The following GABBR2 variants were observed in gnomAD, a reference collection of about 807,000 sequenced individuals.
GABBR2 encodes the protein gamma-aminobutyric acid type B receptor subunit 2.
A neutral mutation model predicts 105.6 loss-of-function variants in GABBR2; 23 were observed. The observed-to-expected ratio is 0.22, with a 90% CI of 0.16 to 0.31. The LOEUF (loss-of-function observed/expected upper bound fraction) is 0.31. Ranked by LOEUF, GABBR2 falls within the 10% of genes least tolerant of loss-of-function variation. The pLI is 1.00. For missense variants in GABBR2, 734 were observed against 1,245.5 expected (o/e 0.59, Z 6.18); for synonymous variants, 478 against 499.7 (o/e 0.96, Z 0.58).
At chr9:98,307,691 C>T (rs142518586) in intron 14 of GABBR2, among the ~76,000 whole-genome samples, 10 of 150,628 alleles carry the variant, frequency 6.6e-5, no homozygotes, top group African/African-American at 1.2e-4. Context: ...TTACTTTCAA[C>T]GTCTGTGGAC....
rs937826201 is a variant in GABBR2, at chr9:98,422,493, C to A, written c.1237-16352G>T. On this transcript the variant is annotated intron_variant, in intron 7 of 18. Transcript: ENST00000259455. ...TGGACATTTAGAAGGCTGCTTAATG[C>A]ACCTGTGTGTGTGTGTGTGTGTGTG... Among the ~76,000 whole-genome samples, 9 of 137,206 alleles carry A rather than the reference C, an allele frequency of 6.6e-5. No individual in the cohort carries two copies. In the South Asian group the frequency reaches 6.6e-4, roughly 10 times the overall value. The allele number at this position is 137,206 out of a possible 152,430, so 90.0% of individuals were successfully genotyped here.
intron 1 of GABBR2, among the ~76,000 whole-genome samples, chr9:98,590,999 A>T (rs752844270): frequency 2.2e-4 from 34 of 152,216 alleles, no homozygotes; most frequent in Non-Finnish European, 4.1e-4. Flanking sequence ...AAAAAGTGAC[A>T]TACAGTCTTG....
chr9:98,444,611 G>A (rs1588164468), intron 7 of GABBR2, among the ~76,000 whole-genome samples: 2 of 152,306 alleles, frequency 1.3e-5, no homozygotes, highest in African/African-American at 4.8e-5. Flanking sequence ...AAACAGGGCA[G>A]TCACACAGCA....
intron 7 of GABBR2, among the ~76,000 whole-genome samples, chr9:98,452,107 A>G (rs1010294321): frequency 1.1e-4 from 17 of 152,118 alleles, no homozygotes; most frequent in African/African-American, 4.1e-4. Flanking sequence ...AGCCCATCTT[A>G]CCTTGGCATC....
intron 1 of GABBR2, among the ~76,000 whole-genome samples, chr9:98,592,799 C>T (rs962867380): frequency 1.3e-5 from 2 of 152,174 alleles, no homozygotes; most frequent in African/African-American, 4.8e-5. Flanking sequence ...AGTCCAGTAA[C>T]TCTCCAGGTT....
At chr9:98,488,555 G>A (rs1827107964) in intron 4 of GABBR2, among the ~76,000 whole-genome samples, 1 of 151,934 alleles carries the variant, frequency 6.6e-6, no homozygotes, top group Non-Finnish European at 1.5e-5. Flanking sequence ...GTTGCACTGG[G>A]GCCCAAATAT....
intron 1 of GABBR2, among the ~76,000 whole-genome samples, chr9:98,619,593 G>T (rs1371014815): frequency 6.6e-6 from 1 of 152,168 alleles, no homozygotes; most frequent in Non-Finnish European, 1.5e-5. Context: ...TTTGGTTAAA[G>T]TGCCTTTTTA....
At chr9:98,616,137 G>A (rs1032166023) in intron 1 of GABBR2, among the ~76,000 whole-genome samples, 5 of 152,236 alleles carry the variant, frequency 3.3e-5, no homozygotes, top group Non-Finnish European at 7.3e-5. Context: ...AGAATTTCAA[G>A]CCATGGACCT....
intron 7 of GABBR2, among the ~76,000 whole-genome samples, chr9:98,423,604 G>C (rs574790008): frequency 6.6e-6 from 1 of 152,196 alleles, no homozygotes. Context: ...AAGCACTTTA[G>C]TTTAATTAGA....
At chr9:98,451,525 TC>T (rs1826229098) in intron 7 of GABBR2, among the ~76,000 whole-genome samples, 1 of 141,904 alleles carries the variant, frequency 7.0e-6, no homozygotes, top group Non-Finnish European at 1.6e-5. Context: ...CCCAAGTGCC[TC>T]CCCACTGCCC....
At chr9:98,563,805 TAATA>T (rs1828712950) in intron 2 of GABBR2, among the ~76,000 whole-genome samples, 2 of 152,170 alleles carry the variant, frequency 1.3e-5, no homozygotes, top group Non-Finnish European at 2.9e-5. Context: ...ATCATGGAAA[TAATA>T]AATAATGTAA....
At chr9:98,617,127 T>A (rs191955209) in intron 1 of GABBR2, among the ~76,000 whole-genome samples, 1 of 152,190 alleles carries the variant, frequency 6.6e-6, no homozygotes, top group Admixed American at 6.5e-5. Flanking sequence ...AACTTCCCAA[T>A]CCACCACGAT....
intron 1 of GABBR2, among the ~76,000 whole-genome samples, chr9:98,642,896 T>C (rs1214619123): frequency 1.3e-5 from 2 of 152,156 alleles, no homozygotes; most frequent in Admixed American, 6.5e-5. Context: ...TTCATCACCA[T>C]AGTTTCCCAC....
intron 13 of GABBR2, among the ~76,000 whole-genome samples, chr9:98,344,514 C>G (rs1433848565): frequency 6.6e-6 from 1 of 152,160 alleles, no homozygotes; most frequent in Non-Finnish European, 1.5e-5. Flanking sequence ...GGACACCTGT[C>G]AGTCCTTGCC....
chr9:98,408,286 C>G (rs1021301900), intron 7 of GABBR2, among the ~76,000 whole-genome samples: 1 of 152,170 alleles, frequency 6.6e-6, no homozygotes, highest in Non-Finnish European at 1.5e-5. Flanking sequence ...CCAAACAACA[C>G]GAGACACTGT....
At chr9:98,583,374 G>T (rs190534198) in intron 1 of GABBR2, among the ~76,000 whole-genome samples, 1 of 152,206 alleles carries the variant, frequency 6.6e-6, no homozygotes, top group Admixed American at 6.5e-5. Context: ...CCTCAGGGGC[G>T]TAAAGCCCAG....
chr9:98,618,821 G>T (rs1199947843), intron 1 of GABBR2, among the ~76,000 whole-genome samples: 1 of 151,820 alleles, frequency 6.6e-6, no homozygotes, highest in Non-Finnish European at 1.5e-5. Context: ...AGGCCCAGAG[G>T]AGAAAGTGAG....
chr9:98,594,223 A>G (rs987507770), intron 1 of GABBR2, among the ~76,000 whole-genome samples: 4 of 152,142 alleles, frequency 2.6e-5, no homozygotes, highest in African/African-American at 9.7e-5. Context: ...CAGCTCCTCT[A>G]CATCTGAAGC....
intron 2 of GABBR2, among the ~76,000 whole-genome samples, chr9:98,575,269 G>A (rs1243707336): frequency 2.0e-5 from 3 of 152,162 alleles, no homozygotes; most frequent in African/African-American, 7.2e-5. Context: ...ATTTAAGCTG[G>A]GTCTTAAAGA....
Sources: gnomAD v4.1 joint callset for allele counts (sites outside exome capture counted in the v4.1 genomes callset) on GRCh38, gnomAD v4.1.1 for gene constraint, MANE v1.5 for transcripts, NCBI Gene and HGNC (gene_info 2026-07-23, HGNC 2026-07-21) for gene names.